Variants in RNFT2 observed in about 807,000 individuals in gnomAD.
RNFT2 encodes E3 ubiquitin-protein ligase RNFT2.
In RNFT2, 36 loss-of-function variants were observed where a neutral mutation model predicts 53.0. That is an observed-to-expected ratio of 0.68 (90% CI 0.52 to 0.90). The LOEUF is 0.90. Among genes scored for constraint, RNFT2 ranks in the 40% least tolerant of loss-of-function variants. The probability of loss-of-function intolerance (pLI) is 0.00; values close to 1 mark genes in which losing one functional copy is unlikely to be tolerated. For synonymous variants in RNFT2, 260 were observed against 253.2 expected, an observed-to-expected ratio of 1.03 and a Z score of -0.26; for missense variants, 514 against 585.6, an observed-to-expected ratio of 0.88 and a Z score of 1.26.
chr12:116,847,827 C>G (rs1877696983), intron 10 of RNFT2, among the ~76,000 whole-genome samples: 1 of 152,044 alleles, frequency 6.6e-6, no homozygotes, highest in African/African-American at 2.4e-5. Flanking sequence ...GCGCCTGGCC[C>G]TCTCTCTTTT....
intron 7 of RNFT2, among the ~76,000 whole-genome samples, chr12:116,797,780 A>G (rs2137145080): frequency 6.6e-6 from 1 of 152,338 alleles, no homozygotes; most frequent in Middle Eastern, 3.4e-3. Context: ...GTAGCACCTC[A>G]GGGCAATTTT....
intron 7 of RNFT2, among the ~76,000 whole-genome samples, chr12:116,827,401 A>G (rs1012446956): frequency 1.3e-5 from 2 of 152,174 alleles, no homozygotes; most frequent in African/African-American, 4.8e-5. Context: ...AGGGACCACT[A>G]TTCCATCTGC....
intron 5 of RNFT2, among the ~76,000 whole-genome samples, chr12:116,762,905 C>T (rs1364117582): frequency 6.6e-6 from 1 of 152,120 alleles, no homozygotes; most frequent in Non-Finnish European, 1.5e-5. Context: ...AGCCACCATA[C>T]CTGGCTTGCA....
intron 7 of RNFT2, among the ~76,000 whole-genome samples, chr12:116,799,611 G>A (rs1350838122): frequency 6.6e-6 from 1 of 152,176 alleles, no homozygotes; most frequent in African/African-American, 2.4e-5. Context: ...GTGTATTATG[G>A]AAGTTGTTTG....
intron 10 of RNFT2, among the ~76,000 whole-genome samples, chr12:116,846,437 A>ATTTTTTTTTTTTTTTTT (rs35922781): frequency 5.7e-4 from 59 of 104,374 alleles, no homozygotes; most frequent in East Asian, 8.1e-4. Flanking sequence ...TGCCCAGCTA[A>ATTTTTTTTTTTTTTTTT]TTTTTTTTTT....
chr12:116,746,983 G>A (rs1283855935), intron 3 of RNFT2, among the ~76,000 whole-genome samples: 2 of 152,196 alleles, frequency 1.3e-5, no homozygotes, highest in African/African-American at 4.8e-5. Flanking sequence ...GTATCTGTGG[G>A]TTTTGGTCCA....
intron 7 of RNFT2, among the ~76,000 whole-genome samples, chr12:116,786,090 T>C (rs910462160): frequency 1.3e-5 from 2 of 151,166 alleles, no homozygotes; most frequent in African/African-American, 2.4e-5. Flanking sequence ...TATCAATGGA[T>C]GAGGCGATGG....
intron 7 of RNFT2, among the ~76,000 whole-genome samples, chr12:116,816,253 G>A (rs143908855): frequency 2.0e-4 from 30 of 152,240 alleles, no homozygotes; most frequent in Non-Finnish European, 3.4e-4. Flanking sequence ...GCTGGGGCAC[G>A]TGCGCTGGGC....
chr12:116,774,770 C>CCGGTGGAGGGTGGA (rs1873349924), intron 6 of RNFT2, among the ~76,000 whole-genome samples: 1 of 121,294 alleles, frequency 8.2e-6, no homozygotes, highest in African/African-American at 3.2e-5. Flanking sequence ...TGTCAAGGTC[C>CCGGTGGAGGGTGGA]GGGTGGAGGG....
At chr12:116,782,994 A>G (rs1257588651) in intron 7 of RNFT2, among the ~76,000 whole-genome samples, 1 of 152,206 alleles carries the variant, frequency 6.6e-6, no homozygotes, top group Non-Finnish European at 1.5e-5. Context: ...CATGGCGAGA[A>G]CAGAGTTTAT....
In RNFT2 at chr12:116,853,085, G is replaced by A. The variant is rs1021274175; in HGVS notation, c.*3637G>A. ...ACGTCCCATCTGAGGTTTTCTTCTC[G>A]GTGGGGGGATTTAACTTCTGTCCTA... On this transcript the variant is annotated 3_prime_UTR_variant, in exon 11 of 11. Coordinates refer to ENST00000257575, the MANE Select transcript of RNFT2 (RefSeq NM_001382266.1). The A allele has an allele frequency of 1.7e-5, 7 of 423,116 alleles. No homozygotes were observed. Among genetic ancestry groups the A allele is most frequent in the Admixed American group, 8.1e-5 (2 of 24,692 alleles). The allele number at this position is 423,116 out of a possible 1,614,324, so 26.2% of individuals were successfully genotyped here.
chr12:116,753,933 T>G (rs1872372760), intron 4 of RNFT2, 51 bp from the exon 5 acceptor site: 1 of 1,465,350 alleles, frequency 6.8e-7, no homozygotes, highest in Non-Finnish European at 9.6e-7. Flanking sequence ...GCACCTGGGC[T>G]AGGCCTGATG....
chr12:116,835,859 T>A, intron 8 of RNFT2, 101 bp from the exon 9 acceptor site: 1 of 1,253,334 alleles, frequency 8.0e-7, no homozygotes, highest in Non-Finnish European at 1.2e-6. Flanking sequence ...ATGTTCTGAG[T>A]CAAAAATGGG....
chr12:116,766,536 A>G (rs958306110), intron 5 of RNFT2, among the ~76,000 whole-genome samples: 1 of 152,170 alleles, frequency 6.6e-6, no homozygotes, highest in Admixed American at 6.5e-5. Context: ...CAGGGATTTG[A>G]ATGTGTGCCA....
intron 7 of RNFT2, among the ~76,000 whole-genome samples, chr12:116,794,149 C>G (rs1026989099): frequency 1.3e-5 from 2 of 152,076 alleles, no homozygotes; most frequent in Non-Finnish European, 2.9e-5. Flanking sequence ...CCTGCAGTCC[C>G]AGCTATTTAG....
chr12:116,806,367 CAAAAAAAAA>C (rs139305837), intron 7 of RNFT2, among the ~76,000 whole-genome samples: 1 of 113,960 alleles, frequency 8.8e-6, no homozygotes, highest in African/African-American at 3.9e-5. Context: ...GAGACTGTCT[CAAAAAAAAA>C]AAAAAATATA....
In RNFT2 at chr12:116,833,944, G is replaced by GA. The variant is rs533202174; in HGVS notation, c.1032+4dup. 2.9e-5 allele frequency: 46 copies of GA among 1,598,208 alleles called. No homozygotes were observed. In the South Asian group the frequency reaches 3.4e-4, roughly 12 times the overall value. ...TCGTTCTCTACAGCCTCTGCAAGGT[G>GA]AGGTGGCCCCAAGGCTGGAGGGCCG... On this transcript the variant is annotated splice_donor_region_variant and intron_variant, in intron 8 of 10. Coordinates refer to ENST00000257575, the MANE Select transcript of RNFT2 (RefSeq NM_001382266.1).
chr12:116,755,870 G>A lies in RNFT2; in HGVS notation c.627+1810G>A, dbSNP rs950780365. The A allele has an allele frequency of 6.5e-6, 10 of 1,546,908 alleles. No individual in the cohort carries two copies. In the Admixed American group the frequency reaches 6.7e-5, roughly 10 times the overall value. On this transcript the variant is annotated intron_variant, in intron 5 of 10. Coordinates refer to ENST00000257575, the MANE Select transcript of RNFT2 (RefSeq NM_001382266.1). Reference sequence around the variant, plus strand: ...GCCTCTCCTCTTTCCCTTTGTGTTCGTCATTTTGGCGAATTACTAGAAGAT... The same window carrying A: ...GCCTCTCCTCTTTCCCTTTGTGTTCATCATTTTGGCGAATTACTAGAAGAT...
chr12:116,784,317 C>A (rs1873838591), intron 7 of RNFT2, among the ~76,000 whole-genome samples: 1 of 152,228 alleles, frequency 6.6e-6, no homozygotes, highest in Non-Finnish European at 1.5e-5. Context: ...TGTCCTCTTA[C>A]AATTCCCCAG....
Sources: allele counts gnomAD v4.1 joint callset (sites outside exome capture counted in the v4.1 genomes callset), GRCh38; gene constraint gnomAD v4.1.1; transcripts MANE v1.5; gene names NCBI Gene and HGNC (gene_info 2026-07-23, HGNC 2026-07-21).